The following NOD2 variants were observed in gnomAD, a reference collection of about 807,000 sequenced individuals.
The protein encoded by NOD2 is nucleotide-binding oligomerization domain-containing protein 2.
NOD2 carries 86 observed loss-of-function variants against 90.9 expected under a neutral mutation model. The ratio of observed to expected loss-of-function variants is 0.95; its 90% CI spans 0.79 to 1.13. The LOEUF is 1.13. Among genes scored for constraint, NOD2 ranks in the 50% most tolerant of loss-of-function variants. The probability of loss-of-function intolerance (pLI) is 0.00; values close to 1 mark genes in which losing one functional copy is unlikely to be tolerated. For synonymous variants in NOD2, 581 were observed against 554.6 expected (o/e 1.05, Z -0.67); for missense variants, 1,238 against 1,283.8 (o/e 0.96, Z 0.55).
intron 4 of NOD2, among the ~76,000 whole-genome samples, chr16:50,715,047 G>A (rs1964720645): frequency 1.3e-5 from 2 of 152,152 alleles, no homozygotes; most frequent in Non-Finnish European, 2.9e-5. Flanking sequence ...TGCATGACCT[G>A]CAACCTGCAG....
chr16:50,717,437 G>A (rs564640889), intron 6 of NOD2, among the ~76,000 whole-genome samples: 1 of 152,306 alleles, frequency 6.6e-6, no homozygotes, highest in African/African-American at 2.4e-5. Flanking sequence ...CTACTCCAGT[G>A]TCTCCCAGTT....
Position 50,731,834 on chromosome 16 carries a change from T to A in NOD2, c.*15T>A, listed in dbSNP as rs747651929. 5.6e-6 allele frequency: 9 copies of A among 1,606,264 alleles called. No individual in the cohort carries two copies. In the East Asian group the frequency reaches 2.0e-4, roughly 36 times the overall value. Reference sequence around the variant, plus strand: ...TCTTGCTTTGAAGTCTCCGGGAGGATGTTCGTCTCAGTTTGTTTGTGAGCA... The same window carrying A: ...TCTTGCTTTGAAGTCTCCGGGAGGAAGTTCGTCTCAGTTTGTTTGTGAGCA... On this transcript the variant is annotated 3_prime_UTR_variant, in exon 12 of 12. Transcript: ENST00000647318.
intron 10 of NOD2, chr16:50,727,660 C>G: frequency 2.8e-6 from 1 of 353,802 alleles, no homozygotes; most frequent in East Asian, 8.5e-5. Context: ...GCGGATGAGG[C>G]AAAACTTCAT....
At chr16:50,731,508 G>T (rs1006867987) in intron 11 of NOD2, among the ~76,000 whole-genome samples, 1 of 152,156 alleles carries the variant, frequency 6.6e-6, no homozygotes, top group Non-Finnish European at 1.5e-5. Flanking sequence ...TCTGTGGCTG[G>T]CTGGGTGCAG....
At position 50,719,805 on chromosome 16, in the gene NOD2, T is replaced by C. The variant is rs770341031; in HGVS notation, c.2550-120T>C. 6.9e-6 allele frequency: 6 copies of C among 875,160 alleles called. No individual in the cohort carries two copies. The East Asian group carries it at 1.4e-4, about 21-fold the overall frequency. The allele number at this position is 875,160 out of a possible 1,614,324, so 54.2% of individuals were successfully genotyped here. A position where few individuals can be genotyped will look rare whatever the true frequency, so the allele number is the denominator to read the frequency against. On this transcript the variant is annotated intron_variant, in intron 6 of 11. Transcript: ENST00000647318. ...TAGCAGCGAGGGCACCTGATGTGGC[T>C]GCTGCCTCCCGGGCAGGTCTTCAAT...
At chr16:50,697,517 G>A (rs1003251541) in intron 1 of NOD2, 6 of 661,672 alleles carry the variant, frequency 9.1e-6, no homozygotes, top group Non-Finnish European at 1.7e-5. Flanking sequence ...CGCATCCTTG[G>A]CTGGTGTTTC....
At chr16:50,696,819 C>T (rs193238729) in intron 1 of NOD2, among the ~76,000 whole-genome samples, 11 of 152,348 alleles carry the variant, frequency 7.2e-5, no homozygotes, top group East Asian at 1.9e-4. Flanking sequence ...GACAGAGCTC[C>T]GAGTCACGTG....
At chr16:50,724,640 C>G (rs1241730461) in intron 9 of NOD2, among the ~76,000 whole-genome samples, 3 of 152,126 alleles carry the variant, frequency 2.0e-5, no homozygotes, top group African/African-American at 7.2e-5. Context: ...TGAAGCCTGG[C>G]TGCTGTGATT....
intron 6 of NOD2, chr16:50,719,631 C>T (rs563397209): frequency 2.4e-5 from 13 of 532,246 alleles, no homozygotes; most frequent in African/African-American, 3.7e-5. Flanking sequence ...GAGTCACCCT[C>T]GCTGTCCCGG....
chr16:50,714,896 G>C (rs1236073417), intron 4 of NOD2, among the ~76,000 whole-genome samples: 1 of 152,152 alleles, frequency 6.6e-6, no homozygotes, highest in African/African-American at 2.4e-5. Context: ...GAAAGAGAGA[G>C]AGAGAGCACG....
chr16:50,728,375 C>A (rs1272874644), intron 10 of NOD2: 2 of 347,230 alleles, frequency 5.8e-6, no homozygotes, highest in East Asian at 1.8e-4. Context: ...GTTGTCTCCG[C>A]TGCTTTACAA....
chr16:50,717,024 C>T, intron 6 of NOD2, 50 bp downstream of exon 6: 1 of 1,520,750 alleles, frequency 6.6e-7, no homozygotes, highest in South Asian at 1.1e-5. Flanking sequence ...TGCCCCATTC[C>T]TGAGTCAGTC....
At chr16:50,730,841 C>T (rs1965429008) in intron 11 of NOD2, among the ~76,000 whole-genome samples, 1 of 152,174 alleles carries the variant, frequency 6.6e-6, no homozygotes, top group Admixed American at 6.5e-5. Context: ...ATATGCAGGC[C>T]TTGTCTTCTC....
chr16:50,704,876 A>G (rs1025679049), intron 2 of NOD2, among the ~76,000 whole-genome samples: 9 of 152,194 alleles, frequency 5.9e-5, no homozygotes, highest in African/African-American at 2.2e-4. Context: ...TAGTCCCCAG[A>G]ATTTTAAAAT....
At position 50,699,746 on chromosome 16, in the gene NOD2, A is replaced by G. The variant is rs746189550; in HGVS notation, c.251A>G (p.Gln84Arg). 7.4e-6 allele frequency: 12 copies of G among 1,614,052 alleles called. 1 individual carries two copies. In the South Asian group the frequency reaches 9.9e-5, roughly 13 times the overall value. The change falls in exon 2 of 12, where the codon CAG (glutamine) becomes CGG (arginine). Residue 84 changes from glutamine to arginine, a missense_variant. Coordinates refer to ENST00000647318, the MANE Select transcript of NOD2 (RefSeq NM_001370466.1). ...QKLIAAAQEAQADSQSPKLHG... is the reference protein window; with the variant it reads ...QKLIAAAQEARADSQSPKLHG... ...CTCATCGCGGCTGCCCAAGAAGCCC[A>G]GGCCGACAGCCAGTCCCCCAAGCTG...
rs771490210 is a variant in NOD2, at chr16:50,729,876, A to G, written c.2944A>G (p.Arg982Gly). ...GAEALLQALE[R>G]NDTILEVWLR... Reference sequence around the variant, plus strand: ...AGAAGCCCTCCTGCAGGCCCTTGAAAGGAATGACACCATCCTGGAAGTCTG... The same window carrying G: ...AGAAGCCCTCCTGCAGGCCCTTGAAGGGAATGACACCATCCTGGAAGTCTG... The change falls in exon 11 of 12, where the codon AGG (arginine) becomes GGG (glycine). Residue 982 changes from arginine (R) to glycine (G), a missense_variant. Arg to Gly is a moderately radical substitution (Grantham distance 125). Around this residue, in one of 3 missense-constraint regions of NOD2, gnomAD observed 667 missense variants for 688.7 expected, o/e 0.97. Coordinates refer to ENST00000647318, the MANE Select transcript of NOD2 (RefSeq NM_001370466.1). 3.1e-6 allele frequency: 5 copies of G among 1,613,056 alleles called. No individual in the cohort carries two copies. The highest frequency in any genetic ancestry group is 1.3e-5 in the African/African-American group (1 of 75,008).
At chr16:50,708,822 G>C (rs1168602878) in intron 3 of NOD2, among the ~76,000 whole-genome samples, 1 of 152,204 alleles carries the variant, frequency 6.6e-6, no homozygotes, top group Non-Finnish European at 1.5e-5. Flanking sequence ...CTGGAAGTCT[G>C]TGCCTGGCAC....
intron 1 of NOD2, chr16:50,697,593 C>T (rs1307331974): frequency 1.2e-5 from 6 of 498,042 alleles, no homozygotes; most frequent in Non-Finnish European, 1.1e-5. Flanking sequence ...CCTCTCTTCC[C>T]CTGTCCTCGG....
At chr16:50,707,435 A>G (rs540733526) in intron 2 of NOD2, among the ~76,000 whole-genome samples, 2 of 152,354 alleles carry the variant, frequency 1.3e-5, no homozygotes, top group South Asian at 4.1e-4. Context: ...TGGATGTGCA[A>G]GTCCAGGGTT....
Sources: allele counts gnomAD v4.1 joint callset (sites outside exome capture counted in the v4.1 genomes callset), GRCh38; gene constraint gnomAD v4.1.1; regional missense constraint gnomAD v4.1.1; transcripts MANE v1.5; gene names NCBI Gene and HGNC (gene_info 2026-07-23, HGNC 2026-07-21).